NUTM1: variants seen among roughly 807,000 people sequenced by gnomAD.
NUTM1 encodes the protein NUT midline carcinoma family member 1.
In NUTM1, 39 loss-of-function variants were observed where a neutral mutation model predicts 88.7. That is an observed-to-expected ratio of 0.44 (90% CI 0.34 to 0.57). The LOEUF is 0.57. Among genes scored for constraint, NUTM1 ranks in the 20% least tolerant of loss-of-function variants. NUTM1 has a pLI of 0.01. For missense variants in NUTM1, 1,350 were observed against 1,414.5 expected (o/e 0.95, Z 0.73); for synonymous variants, 494 against 538.0 (o/e 0.92, Z 1.13).
Position 34,356,666 on chromosome 15 carries a change from T to A in NUTM1, c.2658T>A (p.Leu886=). 1 of 1,613,788 alleles carries A rather than the reference T, an allele frequency of 6.2e-7. No homozygotes were observed. Residue 886 remains leucine, a synonymous_variant, in exon 8 of 8, where the codon CTT becomes CTA. Transcript: ENST00000537011. The stretch of plus-strand genomic sequence containing the variant: ...CACTGGGGTCTTCCAAAGAAACCCT[T>A]CCACCCACATGCCAAGGCAATCTCC... ...DSTLGSSKET[L]PPTCQGNLLI... is the part of the protein sequence containing the mutation.
intron 2 of NUTM1, among the ~76,000 whole-genome samples, chr15:34,347,262 CTT>C (rs55955824): frequency 4.8e-5 from 7 of 144,826 alleles, no homozygotes; most frequent in Non-Finnish European, 4.5e-5. Flanking sequence ...TACAATTTTT[CTT>C]TTTTTTTTTT....
At chr15:34,351,312 C>T (rs1890705202) in intron 4 of NUTM1, among the ~76,000 whole-genome samples, 1 of 130,176 alleles carries the variant, frequency 7.7e-6, no homozygotes, top group Non-Finnish European at 1.6e-5. Context: ...ACTCTAGAGG[C>T]TAAGGTGGGA....
rs2279684 is a variant in NUTM1 at position 34,357,046 on chromosome 15, C to T, written c.3038C>T (p.Pro1013Leu). The change falls in exon 8 of 8, where the codon CCG becomes CTG. Residue 1013 changes from proline to leucine, a missense_variant. Pro to Leu is a moderately conservative substitution (Grantham distance 98, BLOSUM62 -3). Transcript: ENST00000537011. ...AGGGGAACCAGGAATGCCATAGTTC[C>T]GAGAGAAACTTCTGTTAGTAAAACA... ...PRRGTRNAIV[P>L]RETSVSKTHR... 525 of 1,613,670 alleles carry T rather than the reference C, an allele frequency of 3.3e-4. 1 individual carries two copies. Among genetic ancestry groups the T allele is most frequent in the Middle Eastern group, 3.3e-4 (2 of 6,084 alleles).
chr15:34,354,759 C>T, intron 6 of NUTM1, 27 bp downstream of exon 6: 1 of 1,611,066 alleles, frequency 6.2e-7, no homozygotes, highest in African/African-American at 1.3e-5. Context: ...CATCTTGTTT[C>T]TAGCAGATCC....
rs1890804625 is a variant in NUTM1, at chr15:34,356,168, C to T, written c.2160C>T (p.Asp720=). ...CTTCAGGAGCCATGTGGGGAGATGACAGAGGTACCCCCATGGCTCAGAGTT... is the reference window on the plus strand; with the variant it reads ...CTTCAGGAGCCATGTGGGGAGATGATAGAGGTACCCCCATGGCTCAGAGTT... ...EGSSGAMWGD[D]RGTPMAQSYD... Residue 720 remains aspartate (D), a synonymous_variant, in exon 8 of 8, where the codon GAC becomes GAT. Transcript: ENST00000537011. The T allele has an allele frequency of 6.2e-7, 1 of 1,611,358 alleles. No individual in the cohort carries two copies. The highest frequency in any genetic ancestry group is 8.5e-7 in the Non-Finnish European group (1 of 1,177,908).
In NUTM1 at chr15:34,355,150, T is replaced by C; in HGVS notation, c.1479+13T>C. 1 of 1,488,070 alleles carries C rather than the reference T, an allele frequency of 6.7e-7. No individual in the cohort carries two copies. Among genetic ancestry groups the C allele is most frequent in the South Asian group, 1.1e-5 (1 of 88,358 alleles). The allele number at this position is 1,488,070 out of a possible 1,614,324, so 92.2% of individuals were successfully genotyped here. On this transcript the variant is annotated intron_variant, in intron 7 of 7. Transcript: ENST00000537011. The surrounding 1 kb of genome is among the most constrained non-coding windows in gnomAD (Gnocchi z 4.3). ...CACTCTTGCCCAGGTAAAACTGGGG[T>C]ATAGGAAATATGAGAACGAGAAGCT...
At chr15:34,350,943 G>C in intron 4 of NUTM1, 111 bp downstream of exon 4, 1 of 1,390,932 alleles carries the variant, frequency 7.2e-7, no homozygotes, top group Non-Finnish European at 1.0e-6. Flanking sequence ...TTAGGATGGG[G>C]CGCAGCGGCT....
chr15:34,346,931 C>T, intron 2 of NUTM1, among the ~76,000 whole-genome samples: 1 of 127,620 alleles, frequency 7.8e-6, no homozygotes, highest in East Asian at 2.8e-4. Context: ...GCAGTGATGG[C>T]TTGGGCTTGT....
At chr15:34,354,880 T>TATAGCCGGTGGTGGTCA in intron 6 of NUTM1, 141 bp from the exon 7 acceptor site, 1 of 1,019,566 alleles carries the variant, frequency 9.8e-7, no homozygotes, top group Non-Finnish European at 1.5e-6. Flanking sequence ...CATGAGAATG[T>TATAGCCGGTGGTGGTCA]GTGTAGCCGG....
chr15:34,353,651 C>T, intron 4 of NUTM1, 85 bp from the exon 5 acceptor site: 1 of 1,538,208 alleles, frequency 6.5e-7, no homozygotes. Flanking sequence ...CACTTCCTTT[C>T]TTGGCCATGC....
At chr15:34,352,626 G>A (rs1175535842) in intron 4 of NUTM1, among the ~76,000 whole-genome samples, 6 of 132,204 alleles carry the variant, frequency 4.5e-5, no homozygotes, top group African/African-American at 8.4e-5. Flanking sequence ...GTGAAACCCC[G>A]TCTCTACTAA....
In NUTM1 at chr15:34,355,159, T is replaced by C; in HGVS notation, c.1479+22T>C. 1.4e-6 allele frequency: 2 copies of C among 1,452,508 alleles called. No individual in the cohort carries two copies. Among genetic ancestry groups the C allele is most frequent in the Non-Finnish European group, 1.9e-6 (2 of 1,033,308 alleles). The allele number at this position is 1,452,508 out of a possible 1,614,324, so 90.0% of individuals were successfully genotyped here. Reference sequence around the variant, plus strand: ...CCAGGTAAAACTGGGGTATAGGAAATATGAGAACGAGAAGCTTGCAAGATT... The same window carrying C: ...CCAGGTAAAACTGGGGTATAGGAAACATGAGAACGAGAAGCTTGCAAGATT... On this transcript the variant is annotated intron_variant, in intron 7 of 7. Coordinates refer to ENST00000537011, the MANE Select transcript of NUTM1 (RefSeq NM_001284292.2). This position sits in a 1 kb window ranked among gnomAD's most constrained non-coding sequence, Gnocchi z 4.3.
chr15:34,356,126 A>C lies in NUTM1; in HGVS notation c.2118A>C (p.Ala706=), dbSNP rs1323115604. ...TTCCTCAAGGGAAGGAGCCTTTAGC[A>C]GTGCCCTGGGAAGGCTCTTCAGGAG... The part of the protein sequence containing the change: ...GVLPQGKEPL[A]VPWEGSSGAM... The change falls in exon 8 of 8, where the codon GCA becomes GCC. Residue 706 remains alanine (A), a synonymous_variant. Transcript: ENST00000537011. 8 of 1,613,352 alleles carry C rather than the reference A, an allele frequency of 5.0e-6. No individual in the cohort carries two copies. The African/African-American group carries it at 9.3e-5, about 19-fold the overall frequency.
intron 2 of NUTM1, among the ~76,000 whole-genome samples, 168 bp from the exon 3 acceptor site, chr15:34,347,801 C>T (rs1383894024): frequency 6.6e-6 from 1 of 151,658 alleles, no homozygotes; most frequent in East Asian, 1.9e-4. Flanking sequence ...TGCAGTGAGC[C>T]GAGATTGTGC....
intron 4 of NUTM1, among the ~76,000 whole-genome samples, chr15:34,351,263 AAG>A (rs2140156372): frequency 8.2e-6 from 1 of 122,244 alleles, no homozygotes; most frequent in African/African-American, 3.0e-5. Context: ...AAAAAAAAAA[AAG>A]GGATGTTAGG....
chr15:34,343,561 A>G lies in NUTM1; in HGVS notation c.-136A>G. On this transcript the variant is annotated 5_prime_UTR_variant, in exon 1 of 8. Coordinates refer to ENST00000537011, the MANE Select transcript of NUTM1 (RefSeq NM_001284292.2). The stretch of plus-strand genomic sequence containing the variant: ...GCTCCATTTCAAAGCGTTGGCGGTA[A>G]AGAATGCATGTTGAGTATCAATATT... 6.5e-7 allele frequency: 1 copy of G among 1,528,934 alleles called. No homozygotes were observed. Among genetic ancestry groups the G allele is most frequent in the Non-Finnish European group, 8.8e-7 (1 of 1,141,788 alleles). 94.7% of individuals were successfully genotyped at this position (1,528,934 alleles called of 1,614,324 possible).
Position 34,348,463 on chromosome 15 carries a change from C to T in NUTM1, c.595C>T (p.Pro199Ser). The change falls in exon 3 of 8, where the codon CCC becomes TCC. Residue 199 changes from proline to serine, a missense_variant. Pro to Ser is a moderately conservative substitution (Grantham distance 74, BLOSUM62 -1). Transcript: ENST00000537011. ...QPPPPVAQLV[P>S]IVPLEKAWPG... Reference sequence around the variant, plus strand: ...TCCACCACCAGTTGCTCAACTGGTCCCCATTGTGCCCCTGGAAAAAGCTTG... The same window carrying T: ...TCCACCACCAGTTGCTCAACTGGTCTCCATTGTGCCCCTGGAAAAAGCTTG... 1.2e-6 allele frequency: 2 copies of T among 1,614,132 alleles called. No individual in the cohort carries two copies. Among genetic ancestry groups the T allele is most frequent in the Non-Finnish European group, 1.7e-6 (2 of 1,179,976 alleles).
chr15:34,350,722 G>C lies in NUTM1; in HGVS notation c.828G>C (p.Leu276=). The change falls in exon 4 of 8, where the codon CTG becomes CTC. Residue 276 remains leucine, a synonymous_variant. Transcript: ENST00000537011. ...GTTTTAGCCCAGTGCTTCGTTCCCT[G>C]GCCCGGCTGAAGCCCACTATGACCC... ...SCFLIPVLRS[L]ARLKPTMTLE... 1 of 1,612,780 alleles carries C rather than the reference G, an allele frequency of 6.2e-7. No homozygotes were observed. The highest frequency in any genetic ancestry group is 1.1e-5 in the South Asian group (1 of 91,008).
chr15:34,353,914 T>C, intron 5 of NUTM1, 42 bp downstream of exon 5: 5 of 1,608,276 alleles, frequency 3.1e-6, no homozygotes, highest in Non-Finnish European at 3.4e-6. Context: ...GGCCAAAGGC[T>C]CAAAGGGATG....
Sources: gnomAD v4.1 joint callset for allele counts (sites outside exome capture counted in the v4.1 genomes callset) on GRCh38, gnomAD v4.1.1 for gene constraint, Gnocchi (gnomAD v3.1) non-coding constraint, MANE v1.5 for transcripts, NCBI Gene and HGNC (gene_info 2026-07-23, HGNC 2026-07-21) for gene names.